The following TIAM1 variants were observed in gnomAD, a reference collection of about 807,000 sequenced individuals.
TIAM1 encodes the protein rho guanine nucleotide exchange factor TIAM1.
TIAM1 carries 65 observed loss-of-function variants against 163.5 expected under a neutral mutation model. The observed-to-expected ratio is 0.40, with a 90% CI of 0.33 to 0.49. The LOEUF is 0.49. Among genes scored for constraint, TIAM1 ranks in the 20% least tolerant of loss-of-function variants. The pLI is 0.77. For synonymous variants in TIAM1, 833 were observed against 810.1 expected (o/e 1.03, Z -0.48); for missense variants, 1,789 against 2,044.7 (o/e 0.87, Z 2.41).
intron 1 of TIAM1, among the ~76,000 whole-genome samples, chr21:31,541,852 T>TTA (rs2048332219): frequency 6.6e-6 from 1 of 152,352 alleles, no homozygotes; most frequent in Non-Finnish European, 1.5e-5. Flanking sequence ...AAAACACATT[T>TTA]TAAAAGAGTA....
chr21:31,384,449 T>G (rs2076832319), intron 2 of TIAM1, among the ~76,000 whole-genome samples: 1 of 150,186 alleles, frequency 6.7e-6, no homozygotes, highest in South Asian at 2.1e-4. Context: ...GTGGCACGCA[T>G]TAGTAGTCCC....
chr21:31,472,465 T>C (rs1043041443), intron 1 of TIAM1, among the ~76,000 whole-genome samples: 15 of 152,106 alleles, frequency 9.9e-5, no homozygotes, highest in African/African-American at 3.4e-4. Context: ...GGGCAGAGGT[T>C]TCAGTGAGCC....
intron 1 of TIAM1, among the ~76,000 whole-genome samples, chr21:31,469,272 A>T (rs7279376): frequency 6.6e-6 from 1 of 150,618 alleles, no homozygotes; most frequent in African/African-American, 2.5e-5. Flanking sequence ...GGGAAGCAGC[A>T]GGGGGGTTGG....
intron 1 of TIAM1, among the ~76,000 whole-genome samples, chr21:31,339,879 C>T (rs901961382): frequency 7.9e-5 from 12 of 152,150 alleles, no homozygotes; most frequent in African/African-American, 2.9e-4. Context: ...TCAAAATAAA[C>T]TGGAGAAGTG....
chr21:31,315,679 C>CAAAAGAAAAAAAA (rs2075094812), intron 2 of TIAM1, among the ~76,000 whole-genome samples: 1 of 80,250 alleles, frequency 1.2e-5, no homozygotes, highest in Non-Finnish European at 2.5e-5. Flanking sequence ...AACTCCATCT[C>CAAAAGAAAAAAAA]AAAAAAAAAA....
In TIAM1 at chr21:31,225,840, T is replaced by C; in HGVS notation, c.1695A>G (p.Ser565=). The change falls in exon 7 of 28, where the codon TCA becomes TCG. Residue 565 remains serine (S), a synonymous_variant. Coordinates refer to ENST00000541036, the MANE Select transcript of TIAM1 (RefSeq NM_001353694.2). The stretch of plus-strand genomic sequence containing the variant: ...TCTTCTGTTCCAGTTTTTTGATCTC[T>C]GATTTCAGGAGTCGGAGCGTGTCTT... ...HKEDTLRLLK[S]EIKKLEQKID... The C allele has an allele frequency of 1.2e-6, 2 of 1,614,218 alleles. No homozygotes were observed. The highest frequency in any genetic ancestry group is 1.7e-6 in the Non-Finnish European group (2 of 1,180,044).
At position 31,505,933 on chromosome 21, in the gene TIAM1, C is replaced by T. The variant is rs577169901; in HGVS notation, c.-421-41898G>A. Among the ~76,000 whole-genome samples the T allele has an allele frequency of 9.0e-4, 135 of 149,270 alleles. 1 individual carries two copies. The highest frequency in any genetic ancestry group is 3.1e-3 in the African/African-American group (124 of 40,232). ...CTGAGGCAGGAAAAATGCTTGAACC[C>T]AGGAGGCGGAGGTTGCACTGAGCCA... On this transcript the variant is annotated intron_variant, in intron 1 of 28. Transcript: ENST00000286827.
At chr21:31,126,475 C>G (rs769170974) in intron 26 of TIAM1, among the ~76,000 whole-genome samples, 13 of 151,854 alleles carry the variant, frequency 8.6e-5, no homozygotes, top group Non-Finnish European at 1.2e-4. Context: ...GCTGAGGCAG[C>G]AGAATGGCAT....
intron 14 of TIAM1, among the ~76,000 whole-genome samples, chr21:31,185,830 G>A (rs1251317262): frequency 6.6e-6 from 1 of 151,888 alleles, no homozygotes; most frequent in African/African-American, 2.4e-5. Context: ...CAGAAGCCAT[G>A]TGACTTCAGG....
At chr21:31,493,745 G>C (rs962622011) in intron 1 of TIAM1, among the ~76,000 whole-genome samples, 2 of 152,178 alleles carry the variant, frequency 1.3e-5, no homozygotes, top group Non-Finnish European at 2.9e-5. Context: ...AGCAGCAGCA[G>C]GTGACCTGGT....
chr21:31,470,697 G>C (rs954976515), intron 1 of TIAM1, among the ~76,000 whole-genome samples: 8 of 152,212 alleles, frequency 5.3e-5, no homozygotes, highest in Non-Finnish European at 2.9e-5. Flanking sequence ...GAGAAATCCA[G>C]AAAGGAAAAG....
intron 2 of TIAM1, among the ~76,000 whole-genome samples, chr21:31,432,445 T>C (rs2044074510): frequency 6.6e-6 from 1 of 152,206 alleles, no homozygotes; most frequent in Non-Finnish European, 1.5e-5. Context: ...TCTATAATGA[T>C]GACAGGCTGG....
chr21:31,238,436 T>C (rs568736961), intron 6 of TIAM1, among the ~76,000 whole-genome samples: 27 of 152,328 alleles, frequency 1.8e-4, no homozygotes, highest in Non-Finnish European at 1.5e-4. Context: ...AGATCCTACG[T>C]TGTCACATAT....
intron 1 of TIAM1, among the ~76,000 whole-genome samples, chr21:31,544,692 G>C (rs916566308): frequency 2.0e-5 from 3 of 151,602 alleles, no homozygotes; most frequent in African/African-American, 7.3e-5. Flanking sequence ...ATGGTTATGG[G>C]TTGAACTGTA....
intron 4 of TIAM1, among the ~76,000 whole-genome samples, chr21:31,253,527 A>G (rs1166921985): frequency 6.6e-6 from 1 of 152,190 alleles, no homozygotes; most frequent in East Asian, 1.9e-4. Context: ...GAATTGCTCA[A>G]AGTTCACCTT....
At chr21:31,318,735 T>C (rs764934501) in intron 2 of TIAM1, among the ~76,000 whole-genome samples, 16 of 152,222 alleles carry the variant, frequency 1.1e-4, no homozygotes, top group Non-Finnish European at 1.8e-4. Flanking sequence ...TAAATCTTCC[T>C]GATGTTATTT....
chr21:31,265,854 G>A (rs1010940005), intron 4 of TIAM1, among the ~76,000 whole-genome samples, 156 bp downstream of exon 4: 2 of 152,158 alleles, frequency 1.3e-5, no homozygotes, highest in Non-Finnish European at 2.9e-5. Flanking sequence ...AAGCAGAAGA[G>A]AGAGAAATCC....
At chr21:31,157,134 GA>G (rs2083661578) in intron 16 of TIAM1, among the ~76,000 whole-genome samples, 2 of 152,116 alleles carry the variant, frequency 1.3e-5, no homozygotes, top group Admixed American at 1.3e-4. Flanking sequence ...TCTGGTCAAA[GA>G]AAAAATCACC....
rs868386187 is a variant in TIAM1, at chr21:31,265,915, C to T, written c.963+95G>A. 7.1e-5 allele frequency: 108 copies of T among 1,511,982 alleles called. 3 individuals carry two copies. In the Middle Eastern group the frequency reaches 1.0e-2, roughly 140 times the overall value. The allele number at this position is 1,511,982 out of a possible 1,614,324, so 93.7% of individuals were successfully genotyped here. The stretch of plus-strand genomic sequence containing the variant: ...ACTACCAGGCAAACAGGGTAAAACC[C>T]GATTAAAAGATGGAAATCTTCTAAG... On this transcript the variant is annotated intron_variant, in intron 4 of 27. Coordinates refer to ENST00000541036, the MANE Select transcript of TIAM1 (RefSeq NM_001353694.2).
Sources: allele counts gnomAD v4.1 joint callset (sites outside exome capture counted in the v4.1 genomes callset), GRCh38; gene constraint gnomAD v4.1.1; transcripts MANE v1.5; gene names NCBI Gene and HGNC (gene_info 2026-07-23, HGNC 2026-07-21).